Variants in IL13RA1 observed in about 807,000 individuals in gnomAD.
IL13RA1 encodes the protein interleukin 13 receptor subunit alpha 1, also known as interleukin-13 receptor subunit alpha-1.
A neutral mutation model predicts 33.8 loss-of-function variants in IL13RA1; 14 were observed. The observed-to-expected ratio is 0.41, with a 90% CI of 0.27 to 0.65. The LOEUF (loss-of-function observed/expected upper bound fraction) is 0.65. IL13RA1 is among the 30% of genes least tolerant of loss of function. The probability of loss-of-function intolerance (pLI) is 0.28; values close to 1 mark genes in which losing one functional copy is unlikely to be tolerated. For missense variants in IL13RA1, 313 were observed against 327.0 expected (o/e 0.96, Z 0.33); for synonymous variants, 116 against 115.7 (o/e 1.00, Z -0.02).
At chrX:118,748,512 G>A (rs776493743) in intron 3 of IL13RA1, among the ~76,000 whole-genome samples, 4 of 109,764 alleles carry the variant, frequency 3.6e-5, no homozygotes, top group Non-Finnish European at 7.6e-5. Context: ...AGCCAGGTGT[G>A]GTGCATGCTT....
chrX:118,774,877 T>C (rs779149799), intron 9 of IL13RA1, among the ~76,000 whole-genome samples: 64 of 111,510 alleles, frequency 5.7e-4, no homozygotes, highest in African/African-American at 1.2e-3. Flanking sequence ...TTATTCAACA[T>C]ATATATATAC....
chrX:118,776,463 TG>T lies in IL13RA1; in HGVS notation c.1145del (p.Gly382AlafsTer35). ...IIIFPPIPDP[G>X]KIFKEMFGDQ... is the part of the protein sequence containing the mutation. ...TTATATTCCCTCCAATTCCTGATCCTGGCAAGATTTTTAAAGAAATGTTTGG... is the reference window on the plus strand; with the variant it reads ...TTATATTCCCTCCAATTCCTGATCCTGCAAGATTTTTAAAGAAATGTTTGG... On this transcript the variant is annotated frameshift_variant, in exon 10 of 11. Coordinates refer to ENST00000371666, the MANE Select transcript of IL13RA1 (RefSeq NM_001560.3). LOFTEE classifies it high-confidence loss of function. 1 of 1,005,538 alleles carries T rather than the reference TG, an allele frequency of 9.9e-7. No individual in the cohort carries two copies. The highest frequency in any genetic ancestry group is 1.9e-5 in the African/African-American group (1 of 53,446). The allele number at this position is 1,005,538 out of a possible 1,213,427, so 82.9% of individuals were successfully genotyped here. A position where few individuals can be genotyped will look rare whatever the true frequency, so the allele number is the denominator to read the frequency against.
At chrX:118,796,688 A>G (rs969590128), downstream of IL13RA1, among the ~76,000 whole-genome samples, 2 of 111,354 alleles carry the variant, frequency 1.8e-5, no homozygotes, top group African/African-American at 6.5e-5. Context: ...GGTGACCGCC[A>G]CCACGCCCGG....
intron 1 of IL13RA1, among the ~76,000 whole-genome samples, chrX:118,729,362 A>G (rs184515593): frequency 1.8e-3 from 199 of 112,363 alleles, no homozygotes; most frequent in Middle Eastern, 4.6e-3. Context: ...CATTAAAAGT[A>G]TTGATAGAAT....
intron 8 of IL13RA1, among the ~76,000 whole-genome samples, chrX:118,767,310 G>A (rs913503525): frequency 8.9e-6 from 1 of 111,843 alleles, no homozygotes; most frequent in Non-Finnish European, 1.9e-5. Context: ...AGAGGCTGAG[G>A]CAGGAGGATC....
At chrX:118,800,987 C>T in the IL13RA1 span, among the ~76,000 whole-genome samples, 3 of 111,277 alleles carry the variant, frequency 2.7e-5, no homozygotes, top group Non-Finnish European at 5.7e-5. Context: ...TGGGGGTCTC[C>T]CTGTGTTGCC....
intron 4 of IL13RA1, 81 bp downstream of exon 4, chrX:118,749,859 A>G (rs1278866973): frequency 6.1e-6 from 4 of 657,679 alleles, no homozygotes; most frequent in Non-Finnish European, 9.1e-6. Flanking sequence ...TCAAAAAAAA[A>G]AGAACTGTTT....
intron 2 of IL13RA1, 83 bp downstream of exon 2, chrX:118,741,239 T>TA: frequency 1.6e-6 from 1 of 606,244 alleles, no homozygotes; most frequent in South Asian, 2.9e-5. Flanking sequence ...ATTCTAGTCT[T>TA]ACGTCAAAGT....
chrX:118,745,372 A>G (rs1433253908), intron 2 of IL13RA1, among the ~76,000 whole-genome samples: 1 of 111,891 alleles, frequency 8.9e-6, no homozygotes, highest in Non-Finnish European at 1.9e-5. Context: ...ACATTCCTGT[A>G]TCACCCTCTT....
At chrX:118,771,282 C>A (rs2017716738) in intron 8 of IL13RA1, among the ~76,000 whole-genome samples, 1 of 89,713 alleles carries the variant, frequency 1.1e-5, no homozygotes, top group Admixed American at 1.5e-4. Context: ...TTTGCCACTA[C>A]AGTACAGTGG....
chrX:118,767,583 T>G (rs986835794), intron 8 of IL13RA1, among the ~76,000 whole-genome samples: 1 of 111,302 alleles, frequency 9.0e-6, no homozygotes, highest in Non-Finnish European at 1.9e-5. Context: ...AATTTGCACA[T>G]TGTACAATAC....
chrX:118,800,271 C>T, the IL13RA1 span, among the ~76,000 whole-genome samples: 1 of 110,386 alleles, frequency 9.1e-6, no homozygotes, highest in Middle Eastern at 4.7e-3. Flanking sequence ...AGTGGCGACC[C>T]GCGCGGGTCC....
rs2017168558 is a variant in IL13RA1 at position 118,727,693 on chromosome X, G to A, written c.55G>A (p.Gly19Ser). 2.3e-6 allele frequency: 2 copies of A among 885,302 alleles called. No homozygotes were observed. The highest frequency in any genetic ancestry group is 6.1e-5 in the Admixed American group (1 of 16,436). 73.0% of individuals were successfully genotyped at this position (885,302 alleles called of 1,213,427 possible). ...GLWALLLCAG[G>S]GGGGGGAAPT... ...GTGGGCGCTGCTGCTCTGCGCCGGC[G>A]GCGGGGGCGGGGGCGGGGGCGCCGC... Residue 19 changes from glycine to serine, a missense_variant, in exon 1 of 11, where the codon GGC becomes AGC. Gly to Ser is a moderately conservative substitution (Grantham distance 56). Transcript: ENST00000371666.
At chrX:118,760,194 A>G (rs955575833) in intron 5 of IL13RA1, among the ~76,000 whole-genome samples, 22 of 112,129 alleles carry the variant, frequency 2.0e-4, no homozygotes, top group Non-Finnish European at 3.6e-4. Flanking sequence ...TTCATTAAAC[A>G]TTAATTTCCC....
intron 4 of IL13RA1, among the ~76,000 whole-genome samples, chrX:118,750,641 G>A (rs1471212497): frequency 9.1e-6 from 1 of 109,337 alleles, no homozygotes; most frequent in Non-Finnish European, 1.9e-5. Context: ...GCCCAAGAGT[G>A]CAATTGCTGG....
intron 8 of IL13RA1, chrX:118,770,200 A>G: frequency 3.5e-6 from 1 of 288,108 alleles, no homozygotes; most frequent in Non-Finnish European, 6.8e-6. Flanking sequence ...CGGGCTGCCC[A>G]GCACGCTGCA....
At chrX:118,752,124 C>T (rs1049708996) in intron 4 of IL13RA1, among the ~76,000 whole-genome samples, 4 of 110,419 alleles carry the variant, frequency 3.6e-5, no homozygotes, top group Non-Finnish European at 7.6e-5. Context: ...CCTGCTCACT[C>T]TTGGTACCTG....
intron 1 of IL13RA1, among the ~76,000 whole-genome samples, chrX:118,728,325 C>T (rs928317846): frequency 8.9e-6 from 1 of 112,448 alleles, no homozygotes; most frequent in African/African-American, 3.2e-5. Flanking sequence ...CCTCTGGCGT[C>T]GAAGAAATCC....
At chrX:118,740,232 C>T (rs2017327250) in intron 1 of IL13RA1, among the ~76,000 whole-genome samples, 1 of 112,170 alleles carries the variant, frequency 8.9e-6, no homozygotes, top group African/African-American at 3.2e-5. Flanking sequence ...GCCAGGATTA[C>T]AGGTGTGAGC....
Sources: allele counts gnomAD v4.1 joint callset (sites outside exome capture counted in the v4.1 genomes callset), GRCh38; gene constraint gnomAD v4.1.1; transcripts MANE v1.5; gene names NCBI Gene and HGNC (gene_info 2026-07-23, HGNC 2026-07-21).